Variants in SLC10A7 observed in about 807,000 individuals in gnomAD.
SLC10A7 encodes the protein solute carrier family 10 member 7, also known as sodium/bile acid cotransporter 7.
In SLC10A7, 29 loss-of-function variants were observed where a neutral mutation model predicts 43.2. The ratio of observed to expected loss-of-function variants is 0.67; its 90% CI spans 0.50 to 0.92. SLC10A7 has a LOEUF of 0.92. Ranked by LOEUF, SLC10A7 falls within the 40% of genes least tolerant of loss-of-function variation. The pLI is 0.00. For synonymous variants in SLC10A7, 152 were observed against 144.8 expected (o/e 1.05, Z -0.35); for missense variants, 295 against 403.2 (o/e 0.73, Z 2.30).
At chr4:146,291,362 G>A (rs1311782209) in intron 9 of SLC10A7, among the ~76,000 whole-genome samples, 1 of 152,120 alleles carries the variant, frequency 6.6e-6, no homozygotes, top group African/African-American at 2.4e-5. Context: ...TTGGGAAAAT[G>A]CTTCAAATTA....
chr4:146,407,044 A>C (rs1727765354), intron 5 of SLC10A7, among the ~76,000 whole-genome samples: 1 of 152,144 alleles, frequency 6.6e-6, no homozygotes, highest in African/African-American at 2.4e-5. Flanking sequence ...CTGGTCTCTC[A>C]TATATAAACC....
chr4:146,461,356 C>G (rs1732511332), intron 4 of SLC10A7, among the ~76,000 whole-genome samples: 1 of 151,962 alleles, frequency 6.6e-6, no homozygotes, highest in Admixed American at 6.6e-5. Flanking sequence ...ACAACGCCAA[C>G]TTCATAAAAT....
At chr4:146,406,561 T>C (rs886428249) in intron 5 of SLC10A7, among the ~76,000 whole-genome samples, 4 of 152,194 alleles carry the variant, frequency 2.6e-5, no homozygotes, top group Non-Finnish European at 5.9e-5. Context: ...ACAACTCAAA[T>C]GGAGCGTGCT....
At chr4:146,295,111 G>A (rs890919347) in intron 7 of SLC10A7, among the ~76,000 whole-genome samples, 2 of 152,122 alleles carry the variant, frequency 1.3e-5, no homozygotes, top group African/African-American at 2.4e-5. Flanking sequence ...GGCTTAATTC[G>A]CAATGGAGCA....
chr4:146,440,675 G>GA (rs1246959262), intron 5 of SLC10A7, among the ~76,000 whole-genome samples: 2 of 151,640 alleles, frequency 1.3e-5, no homozygotes, highest in African/African-American at 2.4e-5. Context: ...GTGAAGAGAG[G>GA]AAAAAAAGAT....
At chr4:146,267,428 T>G (rs1355587892) in intron 10 of SLC10A7, among the ~76,000 whole-genome samples, 2 of 152,190 alleles carry the variant, frequency 1.3e-5, no homozygotes, top group Admixed American at 1.3e-4. Flanking sequence ...AACTCAACTT[T>G]CTGCAGAGTC....
intron 4 of SLC10A7, among the ~76,000 whole-genome samples, chr4:146,448,081 C>T (rs940639033): frequency 2.0e-5 from 3 of 151,692 alleles, no homozygotes; most frequent in Non-Finnish European, 4.4e-5. Flanking sequence ...GTGGGGGGAG[C>T]GGTGAGGGAT....
intron 5 of SLC10A7, among the ~76,000 whole-genome samples, chr4:146,365,174 G>A (rs938623111): frequency 2.0e-5 from 3 of 151,956 alleles, no homozygotes; most frequent in African/African-American, 7.3e-5. Context: ...ATACAGAGTT[G>A]TACAAAAAAG....
At chr4:146,257,362 G>A (rs1447045091) in intron 11 of SLC10A7, among the ~76,000 whole-genome samples, 1 of 152,194 alleles carries the variant, frequency 6.6e-6, no homozygotes, top group East Asian at 1.9e-4. Flanking sequence ...TAGTGAACAT[G>A]TTGGATGGGC....
At chr4:146,507,713 C>T (rs998070278) in intron 3 of SLC10A7, among the ~76,000 whole-genome samples, 5 of 152,230 alleles carry the variant, frequency 3.3e-5, no homozygotes, top group African/African-American at 7.2e-5. Flanking sequence ...CTCTACCTCA[C>T]TCTGTCCCTT....
At chr4:146,511,584 T>C (rs1032366613) in intron 2 of SLC10A7, among the ~76,000 whole-genome samples, 4 of 152,206 alleles carry the variant, frequency 2.6e-5, no homozygotes, top group African/African-American at 7.2e-5. Flanking sequence ...CACTGTCTAC[T>C]TCCCTGTGTG....
intron 10 of SLC10A7, among the ~76,000 whole-genome samples, chr4:146,277,034 C>CGCTATA (rs1006327033): frequency 2.0e-5 from 3 of 152,054 alleles, no homozygotes; most frequent in Non-Finnish European, 4.4e-5. Context: ...AAAACCTTCT[C>CGCTATA]GCTAAGCAAG....
At position 146,335,702 on chromosome 4, in the gene SLC10A7, G is replaced by A. The variant is rs575143551; in HGVS notation, c.436-9706C>T. Among the ~76,000 whole-genome samples, 735 of 152,076 alleles carry A rather than the reference G, an allele frequency of 4.8e-3. 7 individuals carry two copies. Among genetic ancestry groups the A allele is most frequent in the Middle Eastern group, 0.037 (11 of 294 alleles). On this transcript the variant is annotated intron_variant, in intron 5 of 11. Transcript: ENST00000335472. ...CACTGAGCTAATATTTCCATACAAGGAAATGATGATAAGATAATCATTTTG... is the reference window on the plus strand; with the variant it reads ...CACTGAGCTAATATTTCCATACAAGAAAATGATGATAAGATAATCATTTTG...
At chr4:146,356,043 A>T (rs1027605987) in intron 5 of SLC10A7, among the ~76,000 whole-genome samples, 51 of 76,124 alleles carry the variant, frequency 6.7e-4, no homozygotes, top group African/African-American at 1.8e-3. Flanking sequence ...GTATAATAAA[A>T]AAAAAAAAAT....
At chr4:146,355,478 T>C (rs991597698) in intron 5 of SLC10A7, among the ~76,000 whole-genome samples, 1 of 151,884 alleles carries the variant, frequency 6.6e-6, no homozygotes, top group Non-Finnish European at 1.5e-5. Flanking sequence ...GAAGTCAGTG[T>C]GGCGATTCCT....
intron 5 of SLC10A7, among the ~76,000 whole-genome samples, chr4:146,366,153 A>G (rs1736376933): frequency 6.6e-6 from 1 of 152,228 alleles, no homozygotes; most frequent in Admixed American, 6.5e-5. Context: ...ACTGGTGCCA[A>G]AAAGGTTGGG....
At chr4:146,455,891 T>C (rs1054620663) in intron 4 of SLC10A7, among the ~76,000 whole-genome samples, 3 of 151,952 alleles carry the variant, frequency 2.0e-5, no homozygotes, top group African/African-American at 7.2e-5. Context: ...TTTCTAATGT[T>C]AGGTCCCCTG....
intron 5 of SLC10A7, among the ~76,000 whole-genome samples, chr4:146,417,697 A>C (rs1048857681): frequency 6.6e-6 from 1 of 152,206 alleles, no homozygotes; most frequent in Non-Finnish European, 1.5e-5. Context: ...ACAGCAATAT[A>C]TAATATAGTG....
intron 4 of SLC10A7, among the ~76,000 whole-genome samples, chr4:146,462,315 C>T (rs889552786): frequency 2.0e-5 from 3 of 151,948 alleles, no homozygotes; most frequent in African/African-American, 7.3e-5. Flanking sequence ...CTACATTCAG[C>T]AGAATGTGGT....
Sources: gnomAD v4.1 joint callset for allele counts (sites outside exome capture counted in the v4.1 genomes callset) on GRCh38, gnomAD v4.1.1 for gene constraint, MANE v1.5 for transcripts, NCBI Gene and HGNC (gene_info 2026-07-23, HGNC 2026-07-21) for gene names.